NOXA1: variants seen among roughly 807,000 people sequenced by gnomAD.
NOXA1 encodes the protein NCF2-like protein.
NOXA1 carries 56 observed loss-of-function variants against 64.8 expected under a neutral mutation model. The ratio of observed to expected loss-of-function variants is 0.86; its 90% confidence interval spans 0.70 to 1.08. NOXA1 has a LOEUF of 1.08. Ranked by LOEUF, NOXA1 falls within the 50% of genes least tolerant of loss-of-function variation. The probability of loss-of-function intolerance (pLI) is 0.00; values close to 1 mark genes in which losing one functional copy is unlikely to be tolerated. For synonymous variants in NOXA1, 295 were observed against 294.8 expected (o/e 1.00, Z -0.01); for missense variants, 668 against 658.5 (o/e 1.01, Z -0.16).
intron 2 of NOXA1, 135 bp downstream of exon 2, chr9:137,426,465 C>A (rs1236694522): frequency 2.6e-6 from 2 of 772,204 alleles, no homozygotes; most frequent in African/African-American, 1.8e-5. Context: ...TTCCTGGCTC[C>A]AGGGAAACCT....
At chr9:137,423,828 C>A in intron 1 of NOXA1, 122 bp downstream of exon 1, 2 of 857,514 alleles carry the variant, frequency 2.3e-6, no homozygotes, top group Non-Finnish European at 3.0e-6. Flanking sequence ...AGCGAACGCC[C>A]CGGCAGGTGG....
chr9:137,434,012 C>G lies in NOXA1; in HGVS notation c.1227C>G (p.Ser409Arg). The change falls in exon 13 of 14, where the codon AGC becomes AGG. Residue 409 changes from serine (S) to arginine (R), a missense_variant. Transcript: ENST00000683555. ...TCTACCAGGTGGTGGCCCAGCACAG[C>G]TACTCCGCCCAGGGGCCAGAGGACC... Reference protein sequence around the residue: ...PVLYQVVAQHSYSAQGPEDLG... With the variant: ...PVLYQVVAQHRYSAQGPEDLG... The G allele has an allele frequency of 5.1e-6, 8 of 1,568,180 alleles. No homozygotes were observed. The highest frequency in any genetic ancestry group is 6.9e-6 in the Non-Finnish European group (8 of 1,160,838).
At chr9:137,426,171 C>A in intron 1 of NOXA1, 77 bp from the exon 2 acceptor site, 1 of 1,313,264 alleles carries the variant, frequency 7.6e-7, no homozygotes, top group Non-Finnish European at 1.1e-6. Context: ...GTGGCCCTGT[C>A]ACCCATCACG....
intron 10 of NOXA1, 39 bp downstream of exon 10, chr9:137,433,302 G>A (rs1448582957): frequency 1.1e-5 from 17 of 1,519,984 alleles, no homozygotes; most frequent in Non-Finnish European, 1.4e-5. Flanking sequence ...AGTCACCTGA[G>A]GGAGGCTGAG....
At position 137,429,314 on chromosome 9, in the gene NOXA1, C is replaced by T. The variant is rs61742952; in HGVS notation, c.543C>T (p.Gly181=). The stretch of plus-strand genomic sequence containing the variant: ...TGCCGCCACGGCAGGTCCCCAGGGG[C>T]GAGGTCTTCCGGCCCCACCGGTGGC... ...GSLPPRQVPR[G]EVFRPHRWHL... is the part of the protein sequence containing the mutation. The change falls in exon 5 of 14, where the codon GGC becomes GGT. Residue 181 remains glycine, a synonymous_variant. Transcript: ENST00000683555. The T allele has an allele frequency of 1.4e-3, 2,134 of 1,576,818 alleles. 11 individuals carry two copies. The highest frequency in any genetic ancestry group is 8.0e-3 in the Middle Eastern group (48 of 5,964).
intron 8 of NOXA1, 92 bp from the exon 9 acceptor site, chr9:137,432,937 C>G (rs905037101): frequency 1.4e-6 from 2 of 1,413,024 alleles, no homozygotes; most frequent in Non-Finnish European, 2.0e-6. Context: ...GCCGGGCACA[C>G]AGGCCACACC....
chr9:137,423,431 C>T lies in NOXA1; in HGVS notation c.-99C>T, dbSNP rs1838657779. On this transcript the variant is annotated 5_prime_UTR_variant, in exon 1 of 14. Coordinates refer to ENST00000683555, the MANE Select transcript of NOXA1 (RefSeq NM_001256067.2). ...CTGGCGCTTGGCGCCCGCACCTCTG[C>T]CCGCCTCGGAGACCCCGCAGCCCCG... is the stretch of plus-strand genomic sequence containing the variant. The T allele has an allele frequency of 3.8e-6, 3 of 789,108 alleles. No individual in the cohort carries two copies. Among genetic ancestry groups the T allele is most frequent in the Non-Finnish European group, 5.0e-6 (3 of 603,646 alleles). 48.9% of individuals were successfully genotyped at this position (789,108 alleles called of 1,614,324 possible).
At chr9:137,429,184 G>A (rs1409354727) in intron 4 of NOXA1, 92 bp from the exon 5 acceptor site, 13 of 1,331,436 alleles carry the variant, frequency 9.8e-6, no homozygotes, top group Non-Finnish European at 1.2e-5. Context: ...GGGGGCCCAA[G>A]CGGCCCCTTC....
Position 137,433,787 on chromosome 9 carries a change from A to G in NOXA1, c.1102A>G (p.Ile368Val). The change falls in exon 12 of 14, where the codon ATC (isoleucine) becomes GTC (valine). Residue 368 changes from isoleucine (I) to valine (V), a missense_variant. Coordinates refer to ENST00000683555, the MANE Select transcript of NOXA1 (RefSeq NM_001256067.2). Reference protein sequence around the residue: ...APGEDGHWVPIPEEESLQRAW... With the variant: ...APGEDGHWVPVPEEESLQRAW... Reference sequence around the variant, plus strand: ...AGGTGAGGACGGGCACTGGGTCCCCATCCCCGAGGAGGAGTCGCTGCAGAG... The same window carrying G: ...AGGTGAGGACGGGCACTGGGTCCCCGTCCCCGAGGAGGAGTCGCTGCAGAG... The G allele has an allele frequency of 6.9e-7, 1 of 1,454,450 alleles. No homozygotes were observed. Among genetic ancestry groups the G allele is most frequent in the Non-Finnish European group, 9.1e-7 (1 of 1,099,982 alleles). The allele number at this position is 1,454,450 out of a possible 1,614,324, so 90.1% of individuals were successfully genotyped here.
chr9:137,427,994 T>TC (rs1383471405), intron 2 of NOXA1, 39 bp from the exon 3 acceptor site: 14 of 1,416,024 alleles, frequency 9.9e-6, no homozygotes, highest in Non-Finnish European at 1.4e-5. Context: ...CAGCCCCATC[T>TC]CCGCCCTGTG....
At position 137,432,278 on chromosome 9, in the gene NOXA1, T is replaced by TAAAAAAA. The variant is rs1410283327; in HGVS notation, c.805-751_805-750insAAAAAAA. ...CTGGGCAAGACAGCAAGACCCTGTCTCAAAAAAAAAAAAAAAAAAAGCCAG... is the reference window on the plus strand; with the variant it reads ...CTGGGCAAGACAGCAAGACCCTGTCTAAAAAAACAAAAAAAAAAAAAAAAAAAGCCAG... On this transcript the variant is annotated intron_variant, in intron 8 of 13. Coordinates refer to ENST00000683555, the MANE Select transcript of NOXA1 (RefSeq NM_001256067.2). Among the ~76,000 whole-genome samples, 5 of 110,298 alleles carry TAAAAAAA rather than the reference T, an allele frequency of 4.5e-5. 1 individual carries two copies. Among genetic ancestry groups the TAAAAAAA allele is most frequent in the East Asian group, 2.6e-4 (1 of 3,830 alleles). 72.4% of individuals were successfully genotyped at this position (110,298 alleles called of 152,430 possible).
intron 1 of NOXA1, among the ~76,000 whole-genome samples, chr9:137,424,954 C>T (rs1439604811): frequency 6.6e-6 from 1 of 152,194 alleles, no homozygotes; most frequent in Admixed American, 6.5e-5. Context: ...GATGGAACAG[C>T]TATGATTCAT....
intron 4 of NOXA1, 128 bp from the exon 5 acceptor site, chr9:137,429,148 T>C: frequency 7.3e-7 from 1 of 1,363,042 alleles, no homozygotes; most frequent in East Asian, 2.6e-5. Flanking sequence ...AGGCGGGGGC[T>C]TCCTGTGACC....
Position 137,426,302 on chromosome 9 carries a change from C to A in NOXA1, c.232C>A (p.Arg78=), listed in dbSNP as rs758678542. The change falls in exon 2 of 14, where the codon CGA becomes AGA. Residue 78 remains arginine, a synonymous_variant. Transcript: ENST00000683555. The part of the protein sequence containing the change: ...DTCMAVGFFQ[R]GVANFQLARF... ...CTGCATGGCGGTTGGCTTCTTCCAGCGAGGAGTGGCCAACTTCCAGCTGGC... is the reference window on the plus strand; with the variant it reads ...CTGCATGGCGGTTGGCTTCTTCCAGAGAGGAGTGGCCAACTTCCAGCTGGC... 1.2e-5 allele frequency: 19 copies of A among 1,613,672 alleles called. No homozygotes were observed. The South Asian group carries it at 2.0e-4, about 17-fold the overall frequency.
At chr9:137,426,828 G>A (rs1165122285) in intron 2 of NOXA1, among the ~76,000 whole-genome samples, 1 of 152,216 alleles carries the variant, frequency 6.6e-6, no homozygotes, top group Non-Finnish European at 1.5e-5. Flanking sequence ...AAGGAGCCTT[G>A]CTCTGTCATC....
chr9:137,432,279 C>T (rs11562622), intron 8 of NOXA1, among the ~76,000 whole-genome samples: 7 of 102,236 alleles, frequency 6.8e-5, no homozygotes, highest in East Asian at 2.4e-4. Context: ...GACCCTGTCT[C>T]AAAAAAAAAA....
intron 13 of NOXA1, 70 bp downstream of exon 13, chr9:137,434,149 T>C: frequency 6.3e-7 from 1 of 1,582,074 alleles, no homozygotes. Context: ...GAGCTCGGCC[T>C]GTGCTGTGAG....
Position 137,434,004 on chromosome 9 carries a change from C to G in NOXA1, c.1219C>G (p.Gln407Glu). The G allele has an allele frequency of 6.4e-7, 1 of 1,566,282 alleles. No homozygotes were observed. ...GRPVLYQVVA[Q>E]HSYSAQGPED... ...GCCGGTCCTCTACCAGGTGGTGGCC[C>G]AGCACAGCTACTCCGCCCAGGGGCC... Residue 407 changes from glutamine (Q) to glutamate (E), a missense_variant, in exon 13 of 14, where the codon CAG becomes GAG. Coordinates refer to ENST00000683555, the MANE Select transcript of NOXA1 (RefSeq NM_001256067.2).
chr9:137,428,116 T>C lies in NOXA1; in HGVS notation c.344T>C (p.Leu115Pro), dbSNP rs1588463367. The C allele has an allele frequency of 2.5e-6, 4 of 1,575,168 alleles. No individual in the cohort carries two copies. Among genetic ancestry groups the C allele is most frequent in the Non-Finnish European group, 2.6e-6 (3 of 1,161,610 alleles). Residue 115 changes from leucine to proline, a missense_variant, in exon 3 of 14, where the codon CTG becomes CCG. By Grantham distance (98) the Leu-to-Pro change is moderately conservative. Coordinates refer to ENST00000683555, the MANE Select transcript of NOXA1 (RefSeq NM_001256067.2). ...GCCATCGACTACACGCAGCTGGGCC[T>C]GCGGTTCAAGCTGCAAGCCTGGGAG... ...HAAIDYTQLG[L>P]RFKLQAWEVL...
Sources: allele counts gnomAD v4.1 joint callset (sites outside exome capture counted in the v4.1 genomes callset), GRCh38; gene constraint gnomAD v4.1.1; transcripts MANE v1.5; gene names NCBI Gene and HGNC (gene_info 2026-07-23, HGNC 2026-07-21).